The following ROBO1 variants were observed in gnomAD, a reference collection of about 807,000 sequenced individuals.
ROBO1 encodes the protein roundabout guidance receptor 1, also known as roundabout homolog 1.
Under a neutral mutation model 195.9 loss-of-function variants are expected in ROBO1, and 149 were observed. The observed-to-expected ratio is 0.76, with a 90% CI of 0.67 to 0.87. The LOEUF is 0.87. Ranked by LOEUF, ROBO1 falls within the 40% of genes least tolerant of loss-of-function variation. The pLI is 0.00. For missense variants in ROBO1, 1,933 were observed against 2,068.3 expected (o/e 0.93, Z 1.27); for synonymous variants, 816 against 733.2 (o/e 1.11, Z -1.82).
intron 4 of ROBO1, among the ~76,000 whole-genome samples, chr3:78,821,893 G>T (rs544910558): frequency 6.6e-6 from 1 of 152,222 alleles, no homozygotes; most frequent in African/African-American, 2.4e-5. Flanking sequence ...CACCTGTAGA[G>T]AAGTGGAAAA....
At chr3:79,189,300 C>T (rs2081497269) in intron 2 of ROBO1, among the ~76,000 whole-genome samples, 1 of 151,642 alleles carries the variant, frequency 6.6e-6, no homozygotes, top group Non-Finnish European at 1.5e-5. Context: ...TTATTAAATA[C>T]ATAAAATAAT....
At chr3:79,230,696 G>A (rs2082302987) in intron 2 of ROBO1, among the ~76,000 whole-genome samples, 1 of 152,026 alleles carries the variant, frequency 6.6e-6, no homozygotes, top group Non-Finnish European at 1.5e-5. Context: ...GCAATTTATA[G>A]ATTCAATGAT....
At chr3:79,676,521 T>C (rs1216236708) in intron 1 of ROBO1, among the ~76,000 whole-genome samples, 2 of 152,070 alleles carry the variant, frequency 1.3e-5, no homozygotes, top group African/African-American at 4.8e-5. Context: ...ATTTATTTTC[T>C]TGTGGCTGTA....
intron 23 of ROBO1, among the ~76,000 whole-genome samples, chr3:78,635,566 T>C (rs1705443777): frequency 6.6e-6 from 1 of 152,142 alleles, no homozygotes; most frequent in Admixed American, 6.5e-5. Context: ...TGAAAATACT[T>C]ATATATTATT....
chr3:79,321,985 T>C (rs1203700899), intron 2 of ROBO1, among the ~76,000 whole-genome samples: 1 of 152,192 alleles, frequency 6.6e-6, no homozygotes, highest in African/African-American at 2.4e-5. Flanking sequence ...CATAATTGGC[T>C]CTGGAAATCA....
Position 79,513,724 on chromosome 3 carries a change from C to T in ROBO1, c.88+76100G>A, listed in dbSNP as rs549911158. On this transcript the variant is annotated intron_variant, in intron 2 of 30. Transcript: ENST00000464233. ...AATTTGCCATGGAAAAAAAAAAATC[C>T]CATTCTTTGTGCACATAGACTATTG... Among the ~76,000 whole-genome samples the T allele has an allele frequency of 1.3e-5, 2 of 151,896 alleles. 1 individual carries two copies. The highest frequency in any genetic ancestry group is 4.2e-4 in the South Asian group (2 of 4,816).
chr3:79,547,184 CAAAAAAAAAAAAAA>C (rs1162585941), intron 2 of ROBO1, among the ~76,000 whole-genome samples: 31 of 23,276 alleles, frequency 1.3e-3, no homozygotes, highest in Admixed American at 3.6e-3. Context: ...GACTCCGCCT[CAAAAAAAAAAAAAA>C]AAAAAAAAAA....
intron 2 of ROBO1, among the ~76,000 whole-genome samples, chr3:79,559,597 A>G (rs1272073311): frequency 1.3e-5 from 2 of 152,124 alleles, no homozygotes; most frequent in Non-Finnish European, 2.9e-5. Context: ...CTTGTCAAAC[A>G]CAGTACCTTG....
intron 8 of ROBO1, among the ~76,000 whole-genome samples, chr3:78,695,810 G>A (rs1453082455): frequency 1.3e-5 from 2 of 151,748 alleles, no homozygotes; most frequent in Non-Finnish European, 2.9e-5. Context: ...AACCAATCCT[G>A]TTATCTAAAG....
rs181659332 is a variant in ROBO1, at chr3:78,664,143, T to C, written c.1967-2029A>G. On this transcript the variant is annotated intron_variant, in intron 14 of 30. Coordinates refer to ENST00000464233, the MANE Select transcript of ROBO1 (RefSeq NM_002941.4). ...TGATAATATAATTTTGAGAAGTTTA[T>C]GAATTGATCCTGTTACTGTTTTTGT... is the stretch of plus-strand genomic sequence containing the variant. Among the ~76,000 whole-genome samples the C allele has an allele frequency of 1.2e-4, 18 of 152,316 alleles. No individual in the cohort carries two copies. In the East Asian group the frequency reaches 3.1e-3, roughly 26 times the overall value.
intron 2 of ROBO1, among the ~76,000 whole-genome samples, chr3:79,382,865 A>G (rs2036619221): frequency 6.6e-6 from 1 of 152,044 alleles, no homozygotes; most frequent in Non-Finnish European, 1.5e-5. Context: ...ACATATTTAG[A>G]TGGTGGTATT....
At chr3:79,152,995 G>A (rs1357209449) in intron 2 of ROBO1, among the ~76,000 whole-genome samples, 1 of 151,750 alleles carries the variant, frequency 6.6e-6, no homozygotes, top group Admixed American at 6.6e-5. Context: ...GTCTGGCAAA[G>A]GTCAAATGAT....
intron 4 of ROBO1, among the ~76,000 whole-genome samples, chr3:78,864,292 T>A (rs562889909): frequency 6.6e-6 from 1 of 152,268 alleles, no homozygotes; most frequent in Non-Finnish European, 1.5e-5. Flanking sequence ...GCATCCACAA[T>A]GTTTATTAAA....
intron 3 of ROBO1, among the ~76,000 whole-genome samples, chr3:79,022,538 C>T (rs73851616): frequency 0.013 from 2,037 of 152,306 alleles, 50 homozygotes; most frequent in African/African-American, 0.045. Context: ...CTCATGGTGT[C>T]TGTGTGAGTG....
At chr3:79,533,542 TG>T (rs1941739925) in intron 2 of ROBO1, among the ~76,000 whole-genome samples, 1 of 152,260 alleles carries the variant, frequency 6.6e-6, no homozygotes, top group African/African-American at 2.4e-5. Context: ...ATTGGAAATG[TG>T]ATACTTTTGT....
intron 3 of ROBO1, among the ~76,000 whole-genome samples, chr3:78,942,280 C>A (rs940290023): frequency 6.6e-5 from 10 of 151,986 alleles, no homozygotes; most frequent in African/African-American, 2.4e-4. Flanking sequence ...AGCACAGGGA[C>A]AGAGGGAGAC....
At chr3:79,613,433 C>T (rs978638518) in intron 1 of ROBO1, among the ~76,000 whole-genome samples, 6 of 151,680 alleles carry the variant, frequency 4.0e-5, no homozygotes, top group African/African-American at 1.5e-4. Context: ...AGATATAAAA[C>T]AAAATCATTA....
At chr3:79,496,686 C>A (rs909335656) in intron 2 of ROBO1, among the ~76,000 whole-genome samples, 1 of 152,012 alleles carries the variant, frequency 6.6e-6, no homozygotes, top group African/African-American at 2.4e-5. Flanking sequence ...CGCGCCCGGC[C>A]GCACCCATCA....
chr3:78,631,357 C>T (rs1344860191), intron 24 of ROBO1, 52 bp from the exon 25 acceptor site: 1 of 1,550,024 alleles, frequency 6.5e-7, no homozygotes, highest in African/African-American at 1.4e-5. Context: ...TAAACTTTTT[C>T]CATTAGTCAC....
Sources: allele counts gnomAD v4.1 joint callset (sites outside exome capture counted in the v4.1 genomes callset), GRCh38; gene constraint gnomAD v4.1.1; transcripts MANE v1.5; gene names NCBI Gene and HGNC (gene_info 2026-07-23, HGNC 2026-07-21).